The following DZIP1 variants were observed in gnomAD, a reference collection of about 807,000 sequenced individuals.
DZIP1 encodes the protein cilium assembly protein DZIP1.
DZIP1 carries 97 observed loss-of-function variants against 107.6 expected under a neutral mutation model. That is an observed-to-expected ratio of 0.90 (90% CI 0.77 to 1.07). The LOEUF (loss-of-function observed/expected upper bound fraction) is 1.07. Ranked by LOEUF, DZIP1 falls within the 50% of genes least tolerant of loss-of-function variation. The pLI, the probability that DZIP1 is intolerant of heterozygous loss-of-function variation, is 0.00. For missense variants in DZIP1, 1,035 were observed against 1,063.6 expected (o/e 0.97, Z 0.37); for synonymous variants, 390 against 386.4 (o/e 1.01, Z -0.11).
chr13:95,616,940 G>A (rs1033700471), intron 10 of DZIP1, among the ~76,000 whole-genome samples: 3 of 152,114 alleles, frequency 2.0e-5, no homozygotes, highest in African/African-American at 7.2e-5. Flanking sequence ...AGGCATGGTG[G>A]CTCACGCCTG....
intron 15 of DZIP1, among the ~76,000 whole-genome samples, chr13:95,596,746 T>G (rs1248423869): frequency 2.6e-5 from 4 of 152,234 alleles, no homozygotes; most frequent in Non-Finnish European, 5.9e-5. Flanking sequence ...CAACTATGCC[T>G]TTGCTCAAAA....
At chr13:95,628,725 C>T (rs748507132) in intron 7 of DZIP1, among the ~76,000 whole-genome samples, 2 of 152,132 alleles carry the variant, frequency 1.3e-5, no homozygotes, top group African/African-American at 2.4e-5. Flanking sequence ...TTCTGGCACA[C>T]ACTACAACAT....
At chr13:95,587,467 G>GCT in intron 20 of DZIP1, 72 bp downstream of exon 20, 1 of 1,556,082 alleles carries the variant, frequency 6.4e-7, no homozygotes, top group Admixed American at 1.8e-5. Context: ...GACTCCCAGT[G>GCT]CTCGGTACAC....
intron 7 of DZIP1, among the ~76,000 whole-genome samples, chr13:95,626,035 GGT>G (rs1876508582): frequency 1.3e-5 from 2 of 152,166 alleles, no homozygotes; most frequent in South Asian, 4.1e-4. Flanking sequence ...AGGAGGCTGA[GGT>G]GGGAGGACCA....
At chr13:95,602,834 A>G (rs1157008998) in intron 14 of DZIP1, among the ~76,000 whole-genome samples, 1 of 152,108 alleles carries the variant, frequency 6.6e-6, no homozygotes, top group Admixed American at 6.5e-5. Flanking sequence ...CTGCAACACT[A>G]TTTGGGCCAG....
At chr13:95,617,202 A>AC (rs202241483) in intron 10 of DZIP1, among the ~76,000 whole-genome samples, 24 of 136,576 alleles carry the variant, frequency 1.8e-4, no homozygotes, top group Admixed American at 3.7e-4. Flanking sequence ...ACTCTGTCTC[A>AC]CCCCAAAAAA....
At chr13:95,587,803 C>T (rs1433077874) in intron 19 of DZIP1, 74 bp from the exon 20 acceptor site, 2 of 1,471,600 alleles carry the variant, frequency 1.4e-6, no homozygotes, top group Non-Finnish European at 1.8e-6. Context: ...AGAGATGTGC[C>T]TCTTAAAGTG....
intron 10 of DZIP1, among the ~76,000 whole-genome samples, chr13:95,615,483 GGTTT>G (rs1874937524): frequency 6.6e-6 from 1 of 152,172 alleles, no homozygotes; most frequent in African/African-American, 2.4e-5. Flanking sequence ...GGTGGCTTTT[GGTTT>G]GTTTATCTCC....
rs1446724688 is a variant in DZIP1, at chr13:95,643,090, A to T, written c.-260T>A. On this transcript the variant is annotated 5_prime_UTR_variant, in exon 3 of 23. Coordinates refer to ENST00000376829, the MANE Select transcript of DZIP1 (RefSeq NM_198968.4). ...GCATTCTGGGCTTTGGAGAGGCTAA[A>T]ATATTTCTAGCAGCGACTTGTAGAC... is the stretch of plus-strand genomic sequence containing the variant. The T allele has an allele frequency of 6.6e-6, 1 of 152,180 alleles. No homozygotes were observed. Among genetic ancestry groups the T allele is most frequent in the Non-Finnish European group, 1.5e-5 (1 of 68,056 alleles). The allele number at this position is 152,180 out of a possible 1,614,324, so 9.4% of individuals were successfully genotyped here.
intron 10 of DZIP1, among the ~76,000 whole-genome samples, chr13:95,618,827 T>A (rs1054293007): frequency 6.6e-6 from 1 of 152,160 alleles, no homozygotes; most frequent in Admixed American, 6.5e-5. Flanking sequence ...CAGAAAAGAT[T>A]TACAAGAAAT....
At chr13:95,635,125 C>T (rs1482271356) in intron 5 of DZIP1, among the ~76,000 whole-genome samples, 6 of 151,882 alleles carry the variant, frequency 4.0e-5, no homozygotes, top group African/African-American at 4.8e-5. Flanking sequence ...CACCATGCTG[C>T]CTTACTCTTA....
At chr13:95,595,399 A>G (rs2044419295) in intron 15 of DZIP1, among the ~76,000 whole-genome samples, 1 of 152,248 alleles carries the variant, frequency 6.6e-6, no homozygotes, top group African/African-American at 2.4e-5. Context: ...GCACAAAAAT[A>G]CTATTCTATG....
rs191191478 is a variant in DZIP1 at position 95,620,084 on chromosome 13, C to T, written c.1111-137G>A. ...AATTTTAGCTAGTGAAACAGTTTGG[C>T]TCTCGGTCCCCACTCAAATCTCATG... On this transcript the variant is annotated intron_variant, in intron 9 of 22. Transcript: ENST00000376829. The T allele has an allele frequency of 8.6e-4, 710 of 827,062 alleles. 3 individuals are homozygous for T. In the African/African-American group the frequency reaches 0.011, roughly 13 times the overall value. The allele number at this position is 827,062 out of a possible 1,614,324, so 51.2% of individuals were successfully genotyped here.
At chr13:95,603,264 A>G (rs1322201679) in intron 14 of DZIP1, among the ~76,000 whole-genome samples, 2 of 143,044 alleles carry the variant, frequency 1.4e-5, no homozygotes, top group Non-Finnish European at 3.0e-5. Flanking sequence ...CTATGATCAT[A>G]TCACCACATT....
intron 15 of DZIP1, among the ~76,000 whole-genome samples, chr13:95,598,360 C>T (rs2044517877): frequency 6.6e-6 from 1 of 151,882 alleles, no homozygotes; most frequent in Admixed American, 6.6e-5. Flanking sequence ...TAAACAAACC[C>T]TATAAAAATA....
chr13:95,624,951 T>G, intron 7 of DZIP1, 22 bp from the exon 8 acceptor site: 1 of 1,562,586 alleles, frequency 6.4e-7, no homozygotes, highest in Non-Finnish European at 8.6e-7. Context: ...TTAATACACA[T>G]CTTTAAAAGT....
chr13:95,584,849 C>A lies in DZIP1; in HGVS notation c.2411G>T (p.Gly804Val), dbSNP rs1016281699. 4 of 1,613,866 alleles carry A rather than the reference C, an allele frequency of 2.5e-6. No individual in the cohort carries two copies. The highest frequency in any genetic ancestry group is 3.4e-6 in the Non-Finnish European group (4 of 1,179,956). ...ISSLEEEISL[G>V]KKSGKEQKEP... ...CTTCTGTTCTTTCCCAGATTTTTTT[C>A]CCAAAGATATCTCTTCCTCTAGGGA... Residue 804 changes from glycine (G) to valine (V), a missense_variant, in exon 22 of 23, where the codon GGA becomes GTA. By Grantham distance (109) the Gly-to-Val change is moderately radical. Coordinates refer to ENST00000376829, the MANE Select transcript of DZIP1 (RefSeq NM_198968.4).
chr13:95,589,696 G>A (rs1169891082), intron 18 of DZIP1, 107 bp downstream of exon 18: 1 of 1,417,582 alleles, frequency 7.1e-7, no homozygotes, highest in Non-Finnish European at 9.5e-7. Flanking sequence ...CTCCAAAATG[G>A]GGAGAAAATA....
At chr13:95,585,894 C>A in intron 21 of DZIP1, 112 bp downstream of exon 21, 2 of 1,109,588 alleles carry the variant, frequency 1.8e-6, no homozygotes, top group African/African-American at 3.2e-5. Flanking sequence ...AAATCTCAAC[C>A]TCTACTCTAC....
Sources: allele counts gnomAD v4.1 joint callset (sites outside exome capture counted in the v4.1 genomes callset), GRCh38; gene constraint gnomAD v4.1.1; transcripts MANE v1.5; gene names NCBI Gene and HGNC (gene_info 2026-07-23, HGNC 2026-07-21).